TCF7L1: variants seen among roughly 807,000 people sequenced by gnomAD.
TCF7L1 encodes the protein transcription factor 7 like 1, also known as transcription factor 7-like 1.
In TCF7L1, 18 loss-of-function variants were observed where a neutral mutation model predicts 63.7. The observed-to-expected ratio is 0.28, with a 90% confidence interval of 0.20 to 0.42. TCF7L1 has a LOEUF of 0.42. Ranked by LOEUF, TCF7L1 falls within the 10% of genes least tolerant of loss-of-function variation. TCF7L1 has a pLI of 1.00. For synonymous variants in TCF7L1, 355 were observed against 340.9 expected, an observed-to-expected ratio of 1.04 and a Z score of -0.46; for missense variants, 654 against 779.3, an observed-to-expected ratio of 0.84 and a Z score of 1.91.
intron 7 of TCF7L1, 147 bp downstream of exon 7, chr2:85,304,485 C>T (rs1682058271): frequency 1.4e-6 from 1 of 710,012 alleles, no homozygotes; most frequent in Admixed American, 2.8e-5. Flanking sequence ...CTTCTCACGT[C>T]CCGCGCTCCC....
chr2:85,308,359 C>T (rs899512776), intron 11 of TCF7L1, among the ~76,000 whole-genome samples: 2 of 149,972 alleles, frequency 1.3e-5, no homozygotes, highest in South Asian at 2.1e-4. Context: ...CTCCCTCCCT[C>T]CCTTTCTTCC....
chr2:85,239,952 A>C (rs969761709), intron 3 of TCF7L1, among the ~76,000 whole-genome samples: 37 of 151,778 alleles, frequency 2.4e-4, no homozygotes, highest in Non-Finnish European at 4.6e-4. Flanking sequence ...TCTAAAAAAA[A>C]AAAAAAAAAC....
rs1455615419 is a variant in TCF7L1, at chr2:85,134,062, G to A, written c.296G>A (p.Arg99Gln). The change falls in exon 2 of 12, where the codon CGG becomes CAG. Residue 99 changes from arginine (R) to glutamine (Q), a missense_variant. Physicochemically the swap from Arg to Gln is conservative, Grantham distance 43. Around this residue, in one of 3 missense-constraint regions of TCF7L1, gnomAD observed 404 missense variants for 454.8 expected, o/e 0.89. Transcript: ENST00000282111. This position sits in a 1 kb window ranked among gnomAD's most constrained non-coding sequence, Gnocchi z 5.0. Reference sequence around the variant, plus strand: ...GTCCGGGACACTTTCCAGAAGCCGCGGGACTATTTCGCCGAAGGTATGTGC... The same window carrying A: ...GTCCGGGACACTTTCCAGAAGCCGCAGGACTATTTCGCCGAAGGTATGTGC... ...QPVRDTFQKP[R>Q]DYFAEVRRPQ... 6.2e-7 allele frequency: 1 copy of A among 1,610,332 alleles called. No homozygotes were observed. The highest frequency in any genetic ancestry group is 1.1e-5 in the South Asian group (1 of 90,570).
intron 3 of TCF7L1, among the ~76,000 whole-genome samples, chr2:85,182,882 G>T (rs1177632396): frequency 3.9e-5 from 6 of 152,096 alleles, no homozygotes; most frequent in Non-Finnish European, 7.3e-5. Flanking sequence ...ACATTGCTGG[G>T]TCCCCACCTC....
rs548842043 is a variant in TCF7L1, at chr2:85,263,328, A to T, written c.442-20167A>T. Among the ~76,000 whole-genome samples the T allele has an allele frequency of 9.2e-5, 13 of 140,606 alleles. 1 individual carries two copies. The South Asian group carries it at 2.8e-3, about 30-fold the overall frequency. 92.2% of individuals were successfully genotyped at this position (140,606 alleles called of 152,430 possible). A position where few individuals can be genotyped will look rare whatever the true frequency, so the allele number is the denominator to read the frequency against. On this transcript the variant is annotated intron_variant, in intron 3 of 11. Coordinates refer to ENST00000282111, the MANE Select transcript of TCF7L1 (RefSeq NM_031283.3). ...GTTGGGGGTAGGGTGGAGGGGGGGA[A>T]GTAATGCAATCACAGGAAGGGTGGG...
intron 4 of TCF7L1, among the ~76,000 whole-genome samples, chr2:85,289,949 C>G (rs1681653610): frequency 6.8e-6 from 1 of 147,074 alleles, no homozygotes; most frequent in African/African-American, 2.5e-5. Flanking sequence ...GCTGGGATTA[C>G]AGGCACGAGC....
chr2:85,308,317 T>C (rs1190581018), intron 11 of TCF7L1, among the ~76,000 whole-genome samples: 1 of 139,968 alleles, frequency 7.1e-6, no homozygotes, highest in East Asian at 2.3e-4. Flanking sequence ...GCTTGCACGA[T>C]GTAAAGTGCT....
At chr2:85,197,179 G>A (rs1309780074) in intron 3 of TCF7L1, among the ~76,000 whole-genome samples, 1 of 152,192 alleles carries the variant, frequency 6.6e-6, no homozygotes, top group Admixed American at 6.5e-5. Flanking sequence ...GCAGGGCCGA[G>A]GAAGGTAGAT....
chr2:85,230,606 A>T (rs866756101), intron 3 of TCF7L1, among the ~76,000 whole-genome samples: 1 of 152,168 alleles, frequency 6.6e-6, no homozygotes, highest in Non-Finnish European at 1.5e-5. Context: ...AAGTGCTGGG[A>T]TTATAGGCAT....
At chr2:85,291,586 T>C (rs999787189) in intron 4 of TCF7L1, among the ~76,000 whole-genome samples, 7 of 128,392 alleles carry the variant, frequency 5.5e-5, no homozygotes, top group Admixed American at 2.9e-4. Context: ...TTGGTTTTGG[T>C]TTTGGTTTTA....
chr2:85,199,120 C>T (rs958636986), intron 3 of TCF7L1, among the ~76,000 whole-genome samples: 12 of 152,170 alleles, frequency 7.9e-5, no homozygotes, highest in African/African-American at 2.9e-4. Context: ...CCTGTCCTAC[C>T]ACCTGTGCTG....
At chr2:85,192,480 C>T (rs1319190802) in intron 3 of TCF7L1, among the ~76,000 whole-genome samples, 3 of 152,008 alleles carry the variant, frequency 2.0e-5, no homozygotes, top group South Asian at 4.1e-4. Flanking sequence ...CTCCGCCTCC[C>T]GGATTCAAGC....
intron 3 of TCF7L1, among the ~76,000 whole-genome samples, chr2:85,220,453 C>T (rs1679817126): frequency 6.6e-6 from 1 of 152,056 alleles, no homozygotes; most frequent in East Asian, 1.9e-4. Context: ...ACTGCAACCT[C>T]CTCCCAGGTT....
intron 3 of TCF7L1, among the ~76,000 whole-genome samples, chr2:85,251,659 C>T (rs1379481494): frequency 5.3e-5 from 8 of 152,272 alleles, no homozygotes; most frequent in Admixed American, 1.3e-4. Context: ...TCTTGTAAAT[C>T]GCCGCTTTTT....
Position 85,242,606 on chromosome 2 carries a change from G to A in TCF7L1, c.442-40889G>A, listed in dbSNP as rs191966688. On this transcript the variant is annotated intron_variant, in intron 3 of 11. Transcript: ENST00000282111. ...TCCTCCTTTTCCTTGAATGGGGCTT[G>A]GCATTGAGGTTTGTGCACACCCTGT... 1.3e-3 allele frequency among the ~76,000 whole-genome samples: 203 copies of A among 152,336 alleles called. 1 individual carries two copies. The highest frequency in any genetic ancestry group is 6.8e-3 in the Middle Eastern group (2 of 294).
chr2:85,146,078 T>C (rs1422303546), intron 3 of TCF7L1, among the ~76,000 whole-genome samples: 1 of 152,320 alleles, frequency 6.6e-6, no homozygotes, highest in Admixed American at 6.5e-5. Context: ...AGCGATTCAC[T>C]TGTTGATTGT....
Position 85,303,898 on chromosome 2 carries a change from T to A in TCF7L1, c.662T>A (p.Ile221Asn). 6.2e-7 allele frequency: 1 copy of A among 1,609,202 alleles called. No homozygotes were observed. Among genetic ancestry groups the A allele is most frequent in the Non-Finnish European group, 8.5e-7 (1 of 1,177,040 alleles). ...LSPEIDPKTG[I>N]PRPPHPSELS... ...ACATATCTCTCTTTGGAAGCAGGAA[T>A]CCCCCGGCCCCCTCACCCATCCGAG... is the stretch of plus-strand genomic sequence containing the variant. The change falls in exon 6 of 12, where the codon ATC becomes AAC. Residue 221 changes from isoleucine to asparagine, a missense_variant. Coordinates refer to ENST00000282111, the MANE Select transcript of TCF7L1 (RefSeq NM_031283.3).
intron 3 of TCF7L1, among the ~76,000 whole-genome samples, chr2:85,169,546 T>C (rs1178234650): frequency 6.6e-6 from 1 of 152,140 alleles, no homozygotes; most frequent in African/African-American, 2.4e-5. Flanking sequence ...TTATAGGATG[T>C]ATTATCTTAT....
intron 3 of TCF7L1, among the ~76,000 whole-genome samples, chr2:85,282,794 TTGTGTGTGTGTGTGTGTGTGTG>T (rs59628868): frequency 1.0e-3 from 125 of 119,226 alleles, no homozygotes; most frequent in African/African-American, 4.1e-3. Context: ...GAGAGAGAGA[TTGTGTGTGTGTGTGTGTGTGTG>T]TGTGTGTGTG....
Sources: gnomAD v4.1 joint callset for allele counts (sites outside exome capture counted in the v4.1 genomes callset) on GRCh38, gnomAD v4.1.1 for gene constraint, gnomAD v4.1.1 regional missense constraint, Gnocchi (gnomAD v3.1) non-coding constraint, MANE v1.5 for transcripts, NCBI Gene and HGNC (gene_info 2026-07-23, HGNC 2026-07-21) for gene names.